CTSE: variants seen among roughly 807,000 people sequenced by gnomAD.
The protein encoded by CTSE is erythrocyte membrane aspartic proteinase.
A neutral mutation model predicts 42.8 loss-of-function variants in CTSE; 43 were observed. The observed-to-expected ratio is 1.01, with a 90% CI of 0.79 to 1.30. The LOEUF is 1.30. CTSE is among the 50% of genes most tolerant of loss of function. CTSE has a pLI of 0.00. For synonymous variants in CTSE, 205 were observed against 191.5 expected, an observed-to-expected ratio of 1.07 and a Z score of -0.58; for missense variants, 532 against 493.5, an observed-to-expected ratio of 1.08 and a Z score of -0.74.
At chr1:206,023,676 A>C (rs781844755) in intron 1 of CTSE, 48 bp downstream of exon 1, 4 of 1,575,800 alleles carry the variant, frequency 2.5e-6, no homozygotes, top group Non-Finnish European at 2.6e-6. Flanking sequence ...CCTGAGTTGC[A>C]GGGCATGGGA....
intron 4 of CTSE, among the ~76,000 whole-genome samples, chr1:206,017,955 T>C (rs1327411932): frequency 6.6e-6 from 1 of 152,112 alleles, no homozygotes; most frequent in Non-Finnish European, 1.5e-5. Context: ...TTCTTTTTTC[T>C]TGCCTTGTTG....
chr1:206,015,119 A>T (rs1571813325), intron 5 of CTSE, among the ~76,000 whole-genome samples: 1 of 152,016 alleles, frequency 6.6e-6, no homozygotes, highest in Middle Eastern at 3.4e-3. Context: ...ACAATGTGCA[A>T]TTTTAAAAAT....
rs1661023550 is a variant in CTSE at position 206,009,544 on chromosome 1, GACTT to G, written c.*635_*638del. On this transcript the variant is annotated 3_prime_UTR_variant, in exon 9 of 9. Transcript: ENST00000358184. ...GTGCTAAACTCTGTAGATGGAAAGA[GACTT>G]ACAGACATTTCAAATAAATGCAATA... The G allele has an allele frequency of 1.3e-5, 2 of 152,584 alleles. No individual in the cohort carries two copies. Among genetic ancestry groups the G allele is most frequent in the African/African-American group, 4.8e-5 (2 of 41,452 alleles). The allele number at this position is 152,584 out of a possible 1,614,324, so 9.5% of individuals were successfully genotyped here.
intron 2 of CTSE, 94 bp downstream of exon 2, chr1:206,022,807 C>T (rs530598212): frequency 1.6e-6 from 2 of 1,223,560 alleles, no homozygotes; most frequent in East Asian, 2.6e-5. Context: ...CCACAATGGC[C>T]TTCGGTGCTA....
chr1:206,021,883 T>C (rs1293008383), intron 3 of CTSE, among the ~76,000 whole-genome samples: 1 of 152,114 alleles, frequency 6.6e-6, no homozygotes, highest in Non-Finnish European at 1.5e-5. Context: ...TGTCAAAGAT[T>C]TCTCTTTTCA....
intron 1 of CTSE, 87 bp from the exon 2 acceptor site, chr1:206,023,144 A>C: frequency 5.8e-6 from 3 of 516,950 alleles, no homozygotes; most frequent in Non-Finnish European, 1.1e-5. Context: ...GGGGCCAACT[A>C]GAGAAGATGG....
chr1:206,019,829 A>C (rs1484350867), intron 4 of CTSE, among the ~76,000 whole-genome samples: 2 of 134,418 alleles, frequency 1.5e-5, no homozygotes, highest in East Asian at 2.2e-4. Flanking sequence ...TATTATGTTA[A>C]TCTATTATAT....
chr1:206,021,320 T>C, intron 3 of CTSE, 153 bp from the exon 4 acceptor site: 1 of 650,146 alleles, frequency 1.5e-6, no homozygotes, highest in Non-Finnish European at 2.7e-6. Context: ...CCCTCCCTAA[T>C]GAACAACTAC....
rs782726571 is a variant in CTSE at position 206,013,874 on chromosome 1, C to G, written c.683G>C (p.Gly228Ala). 6.2e-7 allele frequency: 1 copy of G among 1,613,602 alleles called. No individual in the cohort carries two copies. Among genetic ancestry groups the G allele is most frequent in the East Asian group, 2.2e-5 (1 of 44,894 alleles). The change falls in exon 6 of 9, where the codon GGG becomes GCG. Residue 228 changes from glycine (G) to alanine (A), a missense_variant. Coordinates refer to ENST00000358184, the MANE Select transcript of CTSE (RefSeq NM_001910.4). ...GTAGCCTCCAAAAATCAGCTCGCTC[C>G]CCGCACCACCTTCTGGGTTACTACA... The part of the protein sequence containing the change: ...YMSSNPEGGA[G>A]SELIFGGYDH...
At chr1:206,015,251 C>G (rs1288604461) in intron 5 of CTSE, among the ~76,000 whole-genome samples, 4 of 152,078 alleles carry the variant, frequency 2.6e-5, no homozygotes, top group African/African-American at 7.2e-5. Context: ...AGAACTGGAA[C>G]TTTATACCCA....
At chr1:206,017,785 T>C (rs556926705) in intron 4 of CTSE, among the ~76,000 whole-genome samples, 1 of 152,070 alleles carries the variant, frequency 6.6e-6, no homozygotes, top group African/African-American at 2.4e-5. Context: ...CCCCAGATGA[T>C]TTTTTTTATG....
intron 4 of CTSE, among the ~76,000 whole-genome samples, chr1:206,018,645 A>T (rs188276245): frequency 6.6e-6 from 1 of 152,084 alleles, no homozygotes; most frequent in African/African-American, 2.4e-5. Flanking sequence ...GGTATGCTGT[A>T]TTTCTCAAGG....
chr1:206,021,223 G>T, intron 3 of CTSE, 56 bp from the exon 4 acceptor site: 2 of 1,347,510 alleles, frequency 1.5e-6, no homozygotes, highest in Non-Finnish European at 2.1e-6. Context: ...CTGCATCCCT[G>T]CCCTAATGCC....
At chr1:206,021,220 C>T (rs1553278358) in intron 3 of CTSE, 53 bp from the exon 4 acceptor site, 5 of 1,407,710 alleles carry the variant, frequency 3.6e-6, no homozygotes, top group South Asian at 3.5e-5. Context: ...TGGCTGCATC[C>T]CTGCCCTAAT....
At position 206,022,230 on chromosome 1, in the gene CTSE, G is replaced by A; in HGVS notation, c.263C>T (p.Pro88Leu). Residue 88 changes from proline to leucine, a missense_variant, in exon 3 of 9, where the codon CCA becomes CTA. Pro to Leu is a moderately conservative substitution (Grantham distance 98, BLOSUM62 -3). Transcript: ENST00000358184. ...GTCGAAGATGACAGTGAAGTTCTGT[G>A]GTGGGGAGCCAATGGAGATAGTGCC... ...YFGTISIGSP[P>L]QNFTVIFDTG... 6.2e-7 allele frequency: 1 copy of A among 1,613,028 alleles called. No homozygotes were observed. The highest frequency in any genetic ancestry group is 8.5e-7 in the Non-Finnish European group (1 of 1,179,216).
chr1:206,014,462 G>C (rs371029533), intron 5 of CTSE, among the ~76,000 whole-genome samples: 1 of 151,990 alleles, frequency 6.6e-6, no homozygotes, highest in African/African-American at 2.4e-5. Context: ...ATTTTGAGGA[G>C]GAAAAGGATC....
At chr1:206,020,479 C>G (rs1490263701) in intron 4 of CTSE, among the ~76,000 whole-genome samples, 1 of 152,064 alleles carries the variant, frequency 6.6e-6, no homozygotes, top group African/African-American at 2.4e-5. Context: ...AAGTACCTGG[C>G]TCTCTGTCCC....
chr1:206,015,856 C>T, intron 5 of CTSE, 75 bp downstream of exon 5: 1 of 1,387,204 alleles, frequency 7.2e-7, no homozygotes, highest in Non-Finnish European at 1.0e-6. Flanking sequence ...GGTCTTTTGA[C>T]TGCTAAGTCA....
At chr1:206,013,127 C>A (rs896915003) in intron 6 of CTSE, among the ~76,000 whole-genome samples, 3 of 151,804 alleles carry the variant, frequency 2.0e-5, no homozygotes, top group Admixed American at 1.3e-4. Context: ...CTTGCAGGAA[C>A]TCAATCCTAG....
Sources: gnomAD v4.1 joint callset for allele counts (sites outside exome capture counted in the v4.1 genomes callset) on GRCh38, gnomAD v4.1.1 for gene constraint, MANE v1.5 for transcripts, NCBI Gene and HGNC (gene_info 2026-07-23, HGNC 2026-07-21) for gene names.